Variants in COL25A1 observed in about 807,000 individuals in gnomAD.
COL25A1 encodes the protein collagen alpha-1(XXV) chain.
Under a neutral mutation model 128.4 loss-of-function variants are expected in COL25A1, and 103 were observed. That is an observed-to-expected ratio of 0.80 (90% CI 0.68 to 0.94). The LOEUF is 0.94. Ranked by LOEUF, COL25A1 falls within the 40% of genes least tolerant of loss-of-function variation. COL25A1 has a pLI of 0.00. For synonymous variants in COL25A1, 279 were observed against 277.2 expected (o/e 1.01, Z -0.06); for missense variants, 745 against 840.0 (o/e 0.89, Z 1.40).
chr4:109,248,423 C>T (rs964314593), intron 3 of COL25A1, among the ~76,000 whole-genome samples: 3 of 152,088 alleles, frequency 2.0e-5, no homozygotes, highest in African/African-American at 7.2e-5. Context: ...TTGATGAAGT[C>T]CCCTGTTCCA....
chr4:108,889,364 A>C, intron 17 of COL25A1, 108 bp from the exon 18 acceptor site: 3 of 973,688 alleles, frequency 3.1e-6, no homozygotes, highest in Non-Finnish European at 4.8e-6. Context: ...TTCTTCAACC[A>C]CATGTCTTTT....
intron 3 of COL25A1, among the ~76,000 whole-genome samples, chr4:109,153,121 C>T (rs1304845239): frequency 6.6e-6 from 1 of 152,106 alleles, no homozygotes; most frequent in Non-Finnish European, 1.5e-5. Context: ...CGCAGTGGCT[C>T]ATGCCTGTAA....
chr4:109,068,411 G>GT (rs1300746474), intron 3 of COL25A1, among the ~76,000 whole-genome samples: 1 of 151,996 alleles, frequency 6.6e-6, no homozygotes, highest in African/African-American at 2.4e-5. Context: ...AAGGAAAGAG[G>GT]AAAGGAAGGG....
chr4:109,108,437 A>G (rs1455081607), intron 3 of COL25A1, among the ~76,000 whole-genome samples: 1 of 152,090 alleles, frequency 6.6e-6, no homozygotes. Flanking sequence ...TCATTGCTGG[A>G]CATTTGGCTT....
intron 19 of COL25A1, among the ~76,000 whole-genome samples, chr4:108,883,553 T>G (rs1360356603): frequency 6.6e-6 from 1 of 151,980 alleles, no homozygotes; most frequent in Non-Finnish European, 1.5e-5. Flanking sequence ...TTTCAAAACA[T>G]TTTTTAAAAT....
intron 3 of COL25A1, among the ~76,000 whole-genome samples, chr4:109,073,375 T>A (rs915770462): frequency 6.6e-6 from 1 of 152,168 alleles, no homozygotes; most frequent in Non-Finnish European, 1.5e-5. Context: ...AATGTACAGA[T>A]CCATTAGACC....
At chr4:108,866,674 AGACT>A (rs1737962986) in intron 20 of COL25A1, among the ~76,000 whole-genome samples, 1 of 152,244 alleles carries the variant, frequency 6.6e-6, no homozygotes, top group Non-Finnish European at 1.5e-5. Flanking sequence ...GTACAAATCC[AGACT>A]GTCTACACAA....
At chr4:109,037,826 C>T (rs1759500741) in intron 5 of COL25A1, among the ~76,000 whole-genome samples, 1 of 152,132 alleles carries the variant, frequency 6.6e-6, no homozygotes, top group Admixed American at 6.5e-5. Context: ...ATCAAATGAC[C>T]TATGTGAACG....
At chr4:108,875,108 T>A (rs1205559653) in intron 19 of COL25A1, among the ~76,000 whole-genome samples, 1 of 152,170 alleles carries the variant, frequency 6.6e-6, no homozygotes, top group Non-Finnish European at 1.5e-5. Context: ...AAGAGACAGA[T>A]CTGAGATCAC....
intron 5 of COL25A1, among the ~76,000 whole-genome samples, chr4:109,028,599 A>G (rs1758536833): frequency 6.6e-6 from 1 of 151,976 alleles, no homozygotes; most frequent in Non-Finnish European, 1.5e-5. Context: ...GGTGGCATGC[A>G]CCTGCAGTCC....
chr4:109,127,520 G>T (rs182501702), intron 3 of COL25A1, among the ~76,000 whole-genome samples: 1 of 151,862 alleles, frequency 6.6e-6, no homozygotes, highest in Non-Finnish European at 1.5e-5. Flanking sequence ...TAGATACAGG[G>T]TCTCTCTATG....
intron 3 of COL25A1, among the ~76,000 whole-genome samples, chr4:109,073,511 T>C (rs1436888443): frequency 6.6e-6 from 1 of 150,522 alleles, no homozygotes; most frequent in Non-Finnish European, 1.5e-5. Flanking sequence ...CCCTGGGATT[T>C]TGGCTTAATA....
At chr4:109,034,571 A>T (rs1345514895) in intron 5 of COL25A1, among the ~76,000 whole-genome samples, 2 of 152,222 alleles carry the variant, frequency 1.3e-5, no homozygotes, top group East Asian at 3.8e-4. Flanking sequence ...AACTTAAAAA[A>T]TGATGACCTA....
chr4:108,821,631 T>C (rs1301252346), intron 35 of COL25A1, among the ~76,000 whole-genome samples: 1 of 152,210 alleles, frequency 6.6e-6, no homozygotes, highest in Non-Finnish European at 1.5e-5. Flanking sequence ...TGAATGTTAC[T>C]GTGCCAGGCT....
intron 3 of COL25A1, among the ~76,000 whole-genome samples, chr4:109,146,834 C>T (rs1770987806): frequency 6.6e-6 from 1 of 152,204 alleles, no homozygotes; most frequent in African/African-American, 2.4e-5. Flanking sequence ...AAATTTTACA[C>T]TTGGATAACT....
intron 3 of COL25A1, among the ~76,000 whole-genome samples, chr4:109,081,770 C>G (rs895671088): frequency 6.6e-6 from 1 of 151,920 alleles, no homozygotes; most frequent in Non-Finnish European, 1.5e-5. Context: ...GTGGCACAGT[C>G]TTGGCTCACT....
intron 3 of COL25A1, among the ~76,000 whole-genome samples, chr4:109,290,169 C>A (rs367979285): frequency 6.6e-6 from 1 of 152,034 alleles, no homozygotes; most frequent in African/African-American, 2.4e-5. Context: ...CATTCTGACT[C>A]TAATGTGTCA....
At chr4:108,828,986 A>G (rs1424900816) in intron 32 of COL25A1, among the ~76,000 whole-genome samples, 1 of 152,206 alleles carries the variant, frequency 6.6e-6, no homozygotes, top group Non-Finnish European at 1.5e-5. Flanking sequence ...GCAATATGGT[A>G]TGGGTGAGAT....
At chr4:109,051,183 A>G (rs1305187453) in intron 3 of COL25A1, among the ~76,000 whole-genome samples, 2 of 152,164 alleles carry the variant, frequency 1.3e-5, no homozygotes, top group Non-Finnish European at 2.9e-5. Flanking sequence ...ATGACTTCCA[A>G]ACTTTAGAAA....
Sources: allele counts gnomAD v4.1 joint callset (sites outside exome capture counted in the v4.1 genomes callset), GRCh38; gene constraint gnomAD v4.1.1; transcripts MANE v1.5; gene names NCBI Gene and HGNC (gene_info 2026-07-23, HGNC 2026-07-21).